The following SLC39A10 variants were observed in gnomAD, a reference collection of about 807,000 sequenced individuals.
SLC39A10 encodes solute carrier family 39 member 10, also known as zinc transporter ZIP10.
Under a neutral mutation model 65.1 loss-of-function variants are expected in SLC39A10, and 13 were observed. The observed-to-expected ratio is 0.20, with a 90% confidence interval of 0.13 to 0.32. SLC39A10 has a LOEUF of 0.32. Among genes scored for constraint, SLC39A10 ranks in the 10% least tolerant of loss-of-function variants. The pLI is 1.00. For missense variants in SLC39A10, 831 were observed against 1,018.4 expected (o/e 0.82, Z 2.50); for synonymous variants, 321 against 342.2 (o/e 0.94, Z 0.68).
At chr2:195,703,499 T>C (rs1007873724) in intron 3 of SLC39A10, among the ~76,000 whole-genome samples, 14 of 152,180 alleles carry the variant, frequency 9.2e-5, no homozygotes, top group Admixed American at 3.3e-4. Flanking sequence ...TAAAAATCTT[T>C]TGAAGGTAGT....
chr2:195,725,126 A>G (rs1424893520), intron 8 of SLC39A10, among the ~76,000 whole-genome samples: 3 of 152,148 alleles, frequency 2.0e-5, no homozygotes, highest in East Asian at 3.8e-4. Flanking sequence ...ATATCTCACT[A>G]TAGAAAAAAC....
At chr2:195,666,734 TTACAGGTGTGAGCCAC>T (rs1373125729) in intron 1 of SLC39A10, among the ~76,000 whole-genome samples, 4 of 152,234 alleles carry the variant, frequency 2.6e-5, no homozygotes, top group Non-Finnish European at 4.4e-5. Flanking sequence ...AGTGCTGGGA[TTACAGGTGTGAGCCAC>T]TGCATCTGGC....
chr2:195,657,174 G>A (rs1689174548), upstream of SLC39A10: 1 of 162,740 alleles, frequency 6.1e-6, no homozygotes, highest in Admixed American at 6.5e-5. Flanking sequence ...CAGACGCGCC[G>A]GTTTCTGCGA....
At chr2:195,667,662 A>G (rs1160756750) in intron 1 of SLC39A10, among the ~76,000 whole-genome samples, 1 of 152,258 alleles carries the variant, frequency 6.6e-6, no homozygotes, top group East Asian at 1.9e-4. Flanking sequence ...TTTACAAAGC[A>G]GTTTCGTATA....
At chr2:195,650,272 A>G (rs540614140) in intron 2 of SLC39A10, among the ~76,000 whole-genome samples, 2 of 139,580 alleles carry the variant, frequency 1.4e-5, no homozygotes, top group African/African-American at 5.4e-5. Context: ...ACAGAGATGG[A>G]CTCCTCCTCC....
At position 195,708,717 on chromosome 2, in the gene SLC39A10, A is replaced by G. The variant is rs751003275; in HGVS notation, c.1448A>G (p.His483Arg). 9 of 1,613,018 alleles carry G rather than the reference A, an allele frequency of 5.6e-6. No individual in the cohort carries two copies. Among genetic ancestry groups the G allele is most frequent in the East Asian group, 4.5e-5 (2 of 44,812 alleles). Residue 483 changes from histidine (H) to arginine (R), a missense_variant, in exon 5 of 10, where the codon CAT becomes CGT. Coordinates refer to ENST00000359634, the MANE Select transcript of SLC39A10 (RefSeq NM_020342.3). Reference protein sequence around the residue: ...HAHGHGHSHGHESNKFLEEYD... With the variant: ...HAHGHGHSHGRESNKFLEEYD... Reference sequence around the variant, plus strand: ...CATGGGCATGGACATTCTCATGGACATGAATCTAACAAGTTTTTGGAAGAA... The same window carrying G: ...CATGGGCATGGACATTCTCATGGACGTGAATCTAACAAGTTTTTGGAAGAA...
intron 4 of SLC39A10, among the ~76,000 whole-genome samples, chr2:195,707,116 T>G (rs1428270235): frequency 6.6e-6 from 1 of 152,180 alleles, no homozygotes; most frequent in Non-Finnish European, 1.5e-5. Context: ...GTTGTAATGA[T>G]TATGCCTGTA....
intron 3 of SLC39A10, among the ~76,000 whole-genome samples, chr2:195,705,153 A>G (rs1185111066): frequency 6.6e-6 from 1 of 152,186 alleles, no homozygotes; most frequent in African/African-American, 2.4e-5. Flanking sequence ...TGTAATAAAT[A>G]TGATCCTGGT....
At chr2:195,677,423 A>G (rs1030161120) in intron 1 of SLC39A10, among the ~76,000 whole-genome samples, 3 of 152,192 alleles carry the variant, frequency 2.0e-5, no homozygotes, top group African/African-American at 7.2e-5. Flanking sequence ...ACACACAGCT[A>G]CTTGGAAGGC....
intron 3 of SLC39A10, 126 bp downstream of exon 3, chr2:195,684,032 T>G: frequency 1.4e-6 from 1 of 729,272 alleles, no homozygotes; most frequent in Non-Finnish European, 2.2e-6. Context: ...AAATATATTT[T>G]AATCAGGTTT....
intron 2 of SLC39A10, among the ~76,000 whole-genome samples, chr2:195,615,758 C>A (rs760698554): frequency 1.4e-4 from 22 of 152,078 alleles, no homozygotes; most frequent in African/African-American, 2.4e-5. Flanking sequence ...TCTTTCAAAA[C>A]CCTTTTTCAA....
chr2:195,679,730 A>G (rs991223319), intron 1 of SLC39A10, among the ~76,000 whole-genome samples: 2 of 152,100 alleles, frequency 1.3e-5, no homozygotes, highest in African/African-American at 2.4e-5. Flanking sequence ...AAATGTTACT[A>G]TTTTTGAGTT....
intron 1 of SLC39A10, among the ~76,000 whole-genome samples, chr2:195,679,675 G>A (rs1185000626): frequency 2.0e-5 from 3 of 152,002 alleles, no homozygotes; most frequent in African/African-American, 7.2e-5. Context: ...TAAAGTTCTT[G>A]TATGTCTTTG....
chr2:195,633,202 G>C (rs1688624711), intron 2 of SLC39A10, among the ~76,000 whole-genome samples: 1 of 152,236 alleles, frequency 6.6e-6, no homozygotes, highest in Non-Finnish European at 1.5e-5. Flanking sequence ...AGGAACTAGA[G>C]TGTGGGCACT....
intron 7 of SLC39A10, 70 bp from the exon 8 acceptor site, chr2:195,718,182 C>G (rs1691889828): frequency 2.4e-6 from 3 of 1,251,070 alleles, no homozygotes; most frequent in Admixed American, 3.8e-5. Context: ...GAAACTGCAT[C>G]TGTCATTAAT....
chr2:195,729,960 A>AC (rs1326461378), intron 9 of SLC39A10, among the ~76,000 whole-genome samples: 5 of 50,380 alleles, frequency 9.9e-5, no homozygotes, highest in African/African-American at 3.6e-4. Context: ...CACCATGCCT[A>AC]ATTTTTTTTT....
chr2:195,720,649 A>G (rs1466630859), intron 8 of SLC39A10, among the ~76,000 whole-genome samples: 1 of 152,212 alleles, frequency 6.6e-6, no homozygotes, highest in Non-Finnish European at 1.5e-5. Context: ...GTAAAAATAT[A>G]TTAGTGCATA....
In SLC39A10 at chr2:195,706,776, A is replaced by G. The variant is rs763157095; in HGVS notation, c.1377A>G (p.Leu459=). 5 of 1,532,730 alleles carry G rather than the reference A, an allele frequency of 3.3e-6. No individual in the cohort carries two copies. In the African/African-American group the frequency reaches 7.1e-5, roughly 22 times the overall value. The allele number at this position is 1,532,730 out of a possible 1,614,324, so 94.9% of individuals were successfully genotyped here. A position where few individuals can be genotyped will look rare whatever the true frequency, so the allele number is the denominator to read the frequency against. Residue 459 remains leucine, a synonymous_variant, in exon 4 of 10, where the codon CTA becomes CTG. Coordinates refer to ENST00000359634, the MANE Select transcript of SLC39A10 (RefSeq NM_020342.3). ...TGAGTGGAGACGCCCTTCTTCATCT[A>G]CTGCCCCATGTAAGAAATGTTTTTA... ...GTMSGDALLH[L]LPHSQGGHDH...
chr2:195,712,856 CACTT>C (rs1691648148), intron 5 of SLC39A10, among the ~76,000 whole-genome samples: 1 of 152,166 alleles, frequency 6.6e-6, no homozygotes, highest in Non-Finnish European at 1.5e-5. Flanking sequence ...TACTAAGAGT[CACTT>C]ACTGTGATAG....
Sources: allele counts gnomAD v4.1 joint callset (sites outside exome capture counted in the v4.1 genomes callset), GRCh38; gene constraint gnomAD v4.1.1; transcripts MANE v1.5; gene names NCBI Gene and HGNC (gene_info 2026-07-23, HGNC 2026-07-21).